The following NAT1 variants were observed in gnomAD, a reference collection of about 807,000 sequenced individuals.
NAT1 encodes arylamine N-acetyltransferase 1.
For missense variants in NAT1, 400 were observed against 339.2 expected (o/e 1.18, Z -1.41); for synonymous variants, 144 against 122.6 (o/e 1.17, Z -1.16).
At chr8:18,218,378 A>G (rs1241214871) in intron 1 of NAT1, among the ~76,000 whole-genome samples, 2 of 152,170 alleles carry the variant, frequency 1.3e-5, no homozygotes, top group Non-Finnish European at 2.9e-5. Flanking sequence ...TAAGAAACAT[A>G]TGGTACCTAC....
intron 2 of NAT1, chr8:18,201,297 G>C (rs939192592): frequency 1.3e-5 from 2 of 152,054 alleles, no homozygotes; most frequent in African/African-American, 4.8e-5. Flanking sequence ...AGTCCATTTT[G>C]GATTCATTCA....
intron 2 of NAT1, among the ~76,000 whole-genome samples, chr8:18,198,964 C>CT (rs199668759): frequency 4.6e-5 from 7 of 151,692 alleles, no homozygotes; most frequent in South Asian, 2.1e-4. Context: ...AGTGTTTTCT[C>CT]TTTTTTTTGG....
upstream of NAT1, among the ~76,000 whole-genome samples, chr8:18,205,996 G>T (rs1172254008): frequency 1.3e-5 from 2 of 152,206 alleles, no homozygotes; most frequent in Non-Finnish European, 2.9e-5. Flanking sequence ...GGAGCCTAGG[G>T]TGATGGCCAT....
chr8:18,203,213 C>A (rs540754707), intron 2 of NAT1, among the ~76,000 whole-genome samples: 1 of 152,246 alleles, frequency 6.6e-6, no homozygotes, highest in African/African-American at 2.4e-5. Context: ...TATGAAAGAG[C>A]TCTAATTAAT....
chr8:18,213,900 G>A (rs557806043), intron 1 of NAT1, among the ~76,000 whole-genome samples: 20 of 150,556 alleles, frequency 1.3e-4, no homozygotes, highest in Admixed American at 2.7e-4. Flanking sequence ...TGCAAGCTCC[G>A]CTTCCTGGGT....
At chr8:18,182,854 C>G (rs928486183) in intron 2 of NAT1, among the ~76,000 whole-genome samples, 2 of 152,106 alleles carry the variant, frequency 1.3e-5, no homozygotes, top group Non-Finnish European at 2.9e-5. Flanking sequence ...TCATTAATTT[C>G]TATCTAATCT....
intron 1 of NAT1, among the ~76,000 whole-genome samples, chr8:18,216,376 C>T (rs759875179): frequency 3.3e-5 from 5 of 152,156 alleles, no homozygotes; most frequent in African/African-American, 7.2e-5. Flanking sequence ...AAAAGCTTAG[C>T]GGCTGTCAGT....
chr8:18,193,660 T>C (rs1348813773), intron 2 of NAT1, among the ~76,000 whole-genome samples: 3 of 108,850 alleles, frequency 2.8e-5, no homozygotes, highest in African/African-American at 3.7e-5. Flanking sequence ...TTTTTCGAGA[T>C]GGACTTTCAC....
chr8:18,196,334 T>C (rs1327048820), intron 2 of NAT1, among the ~76,000 whole-genome samples: 1 of 151,796 alleles, frequency 6.6e-6, no homozygotes, highest in African/African-American at 2.4e-5. Flanking sequence ...GATCCTGAAG[T>C]CTCTTTCACC....
chr8:18,190,407 C>T (rs549873804), intron 2 of NAT1, among the ~76,000 whole-genome samples: 34 of 152,216 alleles, frequency 2.2e-4, no homozygotes, highest in Non-Finnish European at 4.4e-4. Flanking sequence ...TAAATTGTGG[C>T]CACACACAGT....
At chr8:18,220,100 G>C (rs563778741) in intron 2 of NAT1, among the ~76,000 whole-genome samples, 2 of 152,298 alleles carry the variant, frequency 1.3e-5, no homozygotes, top group South Asian at 4.1e-4. Context: ...TTCTAGGTGA[G>C]GGGGCAGAGA....
At chr8:18,177,282 G>A (rs959346499) in intron 2 of NAT1, among the ~76,000 whole-genome samples, 5 of 151,952 alleles carry the variant, frequency 3.3e-5, no homozygotes, top group African/African-American at 1.2e-4. Flanking sequence ...AATATTAAAA[G>A]ACATTGAATA....
intron 2 of NAT1, among the ~76,000 whole-genome samples, chr8:18,204,335 G>A (rs79009813): frequency 0.022 from 3,347 of 152,252 alleles, 111 homozygotes; most frequent in African/African-American, 0.075. Flanking sequence ...TCACTTGGGT[G>A]TACATGGGTA....
At chr8:18,199,891 C>T (rs907370930) in intron 2 of NAT1, among the ~76,000 whole-genome samples, 3 of 152,134 alleles carry the variant, frequency 2.0e-5, no homozygotes, top group Non-Finnish European at 2.9e-5. Context: ...AAGACATACA[C>T]ATGGCCAACA....
At chr8:18,175,527 GT>G (rs1313820829) in intron 2 of NAT1, among the ~76,000 whole-genome samples, 7 of 151,992 alleles carry the variant, frequency 4.6e-5, no homozygotes, top group Non-Finnish European at 1.0e-4. Context: ...CATCTATGTT[GT>G]CACAAATGAC....
At chr8:18,215,270 A>G (rs1466206365) in intron 1 of NAT1, among the ~76,000 whole-genome samples, 1 of 152,158 alleles carries the variant, frequency 6.6e-6, no homozygotes, top group African/African-American at 2.4e-5. Flanking sequence ...ACATTTTTCT[A>G]TTGCACTTTT....
chr8:18,215,492 T>A (rs1007831734), intron 1 of NAT1, among the ~76,000 whole-genome samples: 1 of 152,240 alleles, frequency 6.6e-6, no homozygotes, highest in Non-Finnish European at 1.5e-5. Flanking sequence ...TTAGTTCCAT[T>A]TCTGTCCTTA....
chr8:18,221,624 G>C (rs1805306984), intron 2 of NAT1, among the ~76,000 whole-genome samples: 2 of 152,140 alleles, frequency 1.3e-5, no homozygotes, highest in Non-Finnish European at 2.9e-5. Context: ...ATAAGGCTCA[G>C]CTAAAAGGGA....
At chr8:18,215,761 A>G (rs997412125) in intron 1 of NAT1, among the ~76,000 whole-genome samples, 1 of 152,074 alleles carries the variant, frequency 6.6e-6, no homozygotes, top group African/African-American at 2.4e-5. Flanking sequence ...ATGTATGTAT[A>G]GCTCTGTTTC....
Sources: allele counts gnomAD v4.1 joint callset (sites outside exome capture counted in the v4.1 genomes callset), GRCh38; gene constraint gnomAD v4.1.1; transcripts MANE v1.5; gene names NCBI Gene and HGNC (gene_info 2026-07-23, HGNC 2026-07-21).